LANCL2: variants seen among roughly 807,000 people sequenced by gnomAD.
The protein encoded by LANCL2 is lanC-like protein 2.
Under a neutral mutation model 56.9 loss-of-function variants are expected in LANCL2, and 33 were observed. That is an observed-to-expected ratio of 0.58 (90% CI 0.44 to 0.78). The LOEUF is 0.78. LANCL2 is among the 30% of genes least tolerant of loss of function. The probability of loss-of-function intolerance (pLI) is 0.00; values close to 1 mark genes in which losing one functional copy is unlikely to be tolerated. For missense variants in LANCL2, 562 were observed against 580.2 expected (o/e 0.97, Z 0.32); for synonymous variants, 233 against 228.2 (o/e 1.02, Z -0.19).
At chr7:55,378,613 A>T (rs1583743370) in intron 1 of LANCL2, among the ~76,000 whole-genome samples, 1 of 152,150 alleles carries the variant, frequency 6.6e-6, no homozygotes, top group African/African-American at 2.4e-5. Context: ...CTCCTGGTAC[A>T]GTAATCTCCA....
At chr7:55,413,048 A>G (rs1230349129) in intron 6 of LANCL2, among the ~76,000 whole-genome samples, 1 of 152,258 alleles carries the variant, frequency 6.6e-6, no homozygotes, top group Non-Finnish European at 1.5e-5. Flanking sequence ...AACAATACCA[A>G]AATATTCAAA....
At chr7:55,425,103 G>T in intron 6 of LANCL2, 151 bp from the exon 7 acceptor site, 1 of 691,426 alleles carries the variant, frequency 1.4e-6, no homozygotes, top group Non-Finnish European at 2.4e-6. Flanking sequence ...TGTGTTGCTG[G>T]TGTTTTTTTG....
chr7:55,417,975 T>G (rs963157305), intron 6 of LANCL2, among the ~76,000 whole-genome samples: 2 of 152,146 alleles, frequency 1.3e-5, no homozygotes, highest in African/African-American at 4.8e-5. Flanking sequence ...CCACTGTGCC[T>G]GGCCAGAACT....
At chr7:55,368,711 A>G (rs1789902408) in intron 1 of LANCL2, among the ~76,000 whole-genome samples, 1 of 152,034 alleles carries the variant, frequency 6.6e-6, no homozygotes, top group African/African-American at 2.4e-5. Flanking sequence ...ACCAGAAAAA[A>G]AGGTATTGAA....
intron 5 of LANCL2, among the ~76,000 whole-genome samples, chr7:55,406,101 AGCCAGGT>A (rs1790403519): frequency 6.6e-6 from 1 of 152,202 alleles, no homozygotes; most frequent in African/African-American, 2.4e-5. Flanking sequence ...ACGTATGCCA[AGCCAGGT>A]GGCCGAATGT....
chr7:55,412,891 A>G (rs528174830), intron 6 of LANCL2, among the ~76,000 whole-genome samples: 1 of 152,230 alleles, frequency 6.6e-6, no homozygotes, highest in Non-Finnish European at 1.5e-5. Flanking sequence ...AGTGGAACTC[A>G]TATTTCTACC....
At chr7:55,387,811 A>C (rs889518609) in intron 1 of LANCL2, among the ~76,000 whole-genome samples, 7 of 152,200 alleles carry the variant, frequency 4.6e-5, no homozygotes, top group Non-Finnish European at 1.0e-4. Flanking sequence ...TTTTTAAAAA[A>C]CAACCTTACT....
At chr7:55,419,285 A>C (rs1269526435) in intron 6 of LANCL2, among the ~76,000 whole-genome samples, 1 of 151,472 alleles carries the variant, frequency 6.6e-6, no homozygotes, top group East Asian at 1.9e-4. Flanking sequence ...TGTGTTTTTC[A>C]ATATGTTTTC....
chr7:55,369,960 C>G (rs1034270445), intron 1 of LANCL2, among the ~76,000 whole-genome samples: 8 of 152,202 alleles, frequency 5.3e-5, no homozygotes, highest in African/African-American at 1.9e-4. Context: ...ATTATCCCAA[C>G]ACTTAGCATC....
Position 55,431,357 on chromosome 7 carries a change from C to A in LANCL2, c.*37C>A. On this transcript the variant is annotated 3_prime_UTR_variant, in exon 9 of 9. Coordinates refer to ENST00000254770, the MANE Select transcript of LANCL2 (RefSeq NM_018697.4). ...AGACAACTAAAATACCCATTTGGAC[C>A]AAAAGCCACCAGATTGCTTAGTGCC... 6.8e-7 allele frequency: 1 copy of A among 1,476,124 alleles called. No individual in the cohort carries two copies. Among genetic ancestry groups the A allele is most frequent in the Non-Finnish European group, 9.4e-7 (1 of 1,065,372 alleles). The allele number at this position is 1,476,124 out of a possible 1,614,324, so 91.4% of individuals were successfully genotyped here. A position where few individuals can be genotyped will look rare whatever the true frequency, so the allele number is the denominator to read the frequency against.
chr7:55,401,544 A>AT (rs1790327126), intron 5 of LANCL2, among the ~76,000 whole-genome samples: 29 of 38,364 alleles, frequency 7.6e-4, no homozygotes, highest in Non-Finnish European at 9.2e-4. Flanking sequence ...TTTTTTTTCC[A>AT]ATTTTCTTTT....
At chr7:55,398,013 T>A (rs892140258) in intron 2 of LANCL2, among the ~76,000 whole-genome samples, 21 of 152,174 alleles carry the variant, frequency 1.4e-4, no homozygotes, top group African/African-American at 5.1e-4. Context: ...TCATTTGGGA[T>A]AACATAGGAG....
In LANCL2 at chr7:55,365,971, C is replaced by T. The variant is rs887812065; in HGVS notation, c.-55C>T. The stretch of plus-strand genomic sequence containing the variant: ...TCGGAGGAGGCGGCGGCGGGGCGAG[C>T]TGCAGCGCCGGGACAGGAGGTTTGT... On this transcript the variant is annotated 5_prime_UTR_variant, in exon 1 of 9. Transcript: ENST00000254770. 30 of 1,320,542 alleles carry T rather than the reference C, an allele frequency of 2.3e-5. No individual in the cohort carries two copies. The highest frequency in any genetic ancestry group is 3.1e-5 in the African/African-American group (2 of 64,102). 81.8% of individuals were successfully genotyped at this position (1,320,542 alleles called of 1,614,324 possible).
intron 5 of LANCL2, among the ~76,000 whole-genome samples, chr7:55,403,871 G>T (rs73698400): frequency 0.051 from 7,725 of 152,050 alleles, 663 homozygotes; most frequent in African/African-American, 0.18. Flanking sequence ...TGCCTGGCTT[G>T]CCCACCCTTT....
chr7:55,415,684 G>A (rs1000726690), intron 6 of LANCL2, among the ~76,000 whole-genome samples: 1 of 141,612 alleles, frequency 7.1e-6, no homozygotes, highest in Non-Finnish European at 1.5e-5. Flanking sequence ...CGCAGTTTTG[G>A]CTCACTACAA....
intron 7 of LANCL2, chr7:55,428,163 C>G: frequency 5.1e-6 from 3 of 591,694 alleles, no homozygotes; most frequent in Non-Finnish European, 9.1e-6. Context: ...AGCTGTAAGG[C>G]AGACCCCACT....
intron 2 of LANCL2, among the ~76,000 whole-genome samples, chr7:55,395,524 G>A (rs995665482): frequency 9.9e-5 from 15 of 152,148 alleles, no homozygotes; most frequent in Admixed American, 7.9e-4. Flanking sequence ...CCCACAGAGA[G>A]CACCGGGGCA....
intron 6 of LANCL2, among the ~76,000 whole-genome samples, chr7:55,417,304 G>C (rs915844559): frequency 1.3e-5 from 2 of 151,880 alleles, no homozygotes; most frequent in African/African-American, 4.8e-5. Context: ...TAACCATAGG[G>C]ATATCTGATT....
At chr7:55,387,556 G>C (rs534328235) in intron 1 of LANCL2, among the ~76,000 whole-genome samples, 1 of 148,222 alleles carries the variant, frequency 6.7e-6, no homozygotes, top group East Asian at 2.0e-4. Context: ...TTTTTTTTTA[G>C]AAACTTTTAT....
Sources: gnomAD v4.1 joint callset for allele counts (sites outside exome capture counted in the v4.1 genomes callset) on GRCh38, gnomAD v4.1.1 for gene constraint, MANE v1.5 for transcripts, NCBI Gene and HGNC (gene_info 2026-07-23, HGNC 2026-07-21) for gene names.